Variants in AGBL4 observed in about 807,000 individuals in gnomAD.
AGBL4 encodes AGBL carboxypeptidase 4.
AGBL4 carries 58 observed loss-of-function variants against 66.4 expected under a neutral mutation model. The ratio of observed to expected loss-of-function variants is 0.87; its 90% CI spans 0.71 to 1.09. AGBL4 has a LOEUF of 1.09. Ranked by LOEUF, AGBL4 falls within the 50% of genes least tolerant of loss-of-function variation. The probability of loss-of-function intolerance (pLI) is 0.00; values close to 1 mark genes in which losing one functional copy is unlikely to be tolerated. For missense variants in AGBL4, 579 were observed against 631.0 expected, an observed-to-expected ratio of 0.92 and a Z score of 0.88; for synonymous variants, 234 against 222.9, an observed-to-expected ratio of 1.05 and a Z score of -0.44.
intron 6 of AGBL4, among the ~76,000 whole-genome samples, chr1:48,850,379 T>G (rs1647007351): frequency 6.6e-6 from 1 of 152,160 alleles, no homozygotes; most frequent in Admixed American, 6.6e-5. Flanking sequence ...GTTAGTAAAT[T>G]GGTGGGTAAG....
intron 1 of AGBL4, among the ~76,000 whole-genome samples, chr1:50,005,120 A>C (rs1661033936): frequency 6.6e-6 from 1 of 152,134 alleles, no homozygotes; most frequent in Non-Finnish European, 1.5e-5. Flanking sequence ...TGCTGATTGT[A>C]GAGCCTTAGG....
intron 4 of AGBL4, among the ~76,000 whole-genome samples, chr1:49,139,220 C>CCATATTTG (rs1162373007): frequency 6.6e-6 from 1 of 152,080 alleles, no homozygotes; most frequent in Non-Finnish European, 1.5e-5. Context: ...TCAGGCATAG[C>CCATATTTG]CATATTTGTT....
Position 48,642,615 on chromosome 1 carries a change from G to T in AGBL4, c.840-8011C>A, listed in dbSNP as rs557704507. On this transcript the variant is annotated intron_variant, in intron 8 of 13. Coordinates refer to ENST00000371839, the MANE Select transcript of AGBL4 (RefSeq NM_032785.4). ...AGAGAGGGTCTGCCAAGGTTACATG[G>T]CTATTCAAGGGTAGAGTGGAAAGTC... Among the ~76,000 whole-genome samples the T allele has an allele frequency of 2.0e-5, 3 of 152,232 alleles. No individual in the cohort carries two copies. In the East Asian group the frequency reaches 5.8e-4, roughly 29 times the overall value.
intron 1 of AGBL4, among the ~76,000 whole-genome samples, chr1:50,014,540 T>C (rs889586709): frequency 6.3e-5 from 9 of 142,302 alleles, no homozygotes; most frequent in South Asian, 2.3e-4. Context: ...GGATTTCTTT[T>C]TTTTTTTTTT....
chr1:49,795,282 C>A (rs1571583171), intron 2 of AGBL4, among the ~76,000 whole-genome samples: 1 of 151,908 alleles, frequency 6.6e-6, no homozygotes, highest in Non-Finnish European at 1.5e-5. Context: ...TAACAAATGG[C>A]AAGACATACT....
At chr1:49,129,107 T>G (rs1278085348) in intron 4 of AGBL4, among the ~76,000 whole-genome samples, 1 of 152,050 alleles carries the variant, frequency 6.6e-6, no homozygotes, top group African/African-American at 2.4e-5. Context: ...GAAAAATGCT[T>G]ACTATCATCA....
At chr1:49,633,414 C>G (rs1645609045) in intron 3 of AGBL4, among the ~76,000 whole-genome samples, 1 of 152,116 alleles carries the variant, frequency 6.6e-6, no homozygotes, top group East Asian at 1.9e-4. Flanking sequence ...ACTAGAATAA[C>G]AACAGCAAAA....
chr1:49,114,248 T>A (rs551929299), intron 4 of AGBL4, among the ~76,000 whole-genome samples: 1 of 152,344 alleles, frequency 6.6e-6, no homozygotes, highest in South Asian at 2.1e-4. Context: ...CTGCTTCACC[T>A]TGCACTTTTT....
At chr1:49,875,007 G>A (rs1646947590) in intron 1 of AGBL4, among the ~76,000 whole-genome samples, 1 of 122,512 alleles carries the variant, frequency 8.2e-6, no homozygotes. Context: ...CCCAGAGTGT[G>A]ATGTTCCCCT....
At chr1:49,858,548 C>T (rs572276134) in intron 1 of AGBL4, among the ~76,000 whole-genome samples, 1 of 151,518 alleles carries the variant, frequency 6.6e-6, no homozygotes, top group South Asian at 2.1e-4. Context: ...TTGAAGGGAC[C>T]ACGCAAACAA....
chr1:49,467,577 T>A (rs1238461082), intron 3 of AGBL4, among the ~76,000 whole-genome samples: 6 of 151,852 alleles, frequency 4.0e-5, no homozygotes, highest in African/African-American at 1.4e-4. Context: ...GACTACTGTG[T>A]GATCTATGGC....
chr1:49,624,587 G>T (rs1295243819), intron 3 of AGBL4, among the ~76,000 whole-genome samples: 2 of 152,114 alleles, frequency 1.3e-5, no homozygotes, highest in East Asian at 3.9e-4. Context: ...GACTCAATTG[G>T]AAGGTGTGCC....
At chr1:48,640,715 TGTGA>T (rs1194317282) in intron 8 of AGBL4, among the ~76,000 whole-genome samples, 4 of 152,212 alleles carry the variant, frequency 2.6e-5, no homozygotes, top group Admixed American at 2.6e-4. Context: ...CCCAGCCATC[TGTGA>T]GTGTGTGTGA....
At chr1:49,332,870 AC>A in intron 3 of AGBL4, among the ~76,000 whole-genome samples, 1 of 152,314 alleles carries the variant, frequency 6.6e-6, no homozygotes, top group Middle Eastern at 3.4e-3. Flanking sequence ...GAACTAATTT[AC>A]ACTCCCACCA....
At chr1:48,672,354 C>T (rs1361251861) in intron 6 of AGBL4, among the ~76,000 whole-genome samples, 1 of 152,134 alleles carries the variant, frequency 6.6e-6, no homozygotes, top group Non-Finnish European at 1.5e-5. Flanking sequence ...CTTCATTGGC[C>T]CTGCAAGAGA....
chr1:49,256,805 A>G (rs1652544941), intron 3 of AGBL4, among the ~76,000 whole-genome samples: 1 of 152,216 alleles, frequency 6.6e-6, no homozygotes, highest in Admixed American at 6.5e-5. Flanking sequence ...AGACCGATGG[A>G]TCACAACAAA....
At chr1:48,945,425 C>T (rs1656414908) in intron 5 of AGBL4, among the ~76,000 whole-genome samples, 1 of 152,176 alleles carries the variant, frequency 6.6e-6, no homozygotes, top group African/African-American at 2.4e-5. Flanking sequence ...TTTTAATGCA[C>T]ATCCCATTTC....
chr1:48,680,873 G>A (rs1646444095), intron 6 of AGBL4, among the ~76,000 whole-genome samples: 1 of 152,132 alleles, frequency 6.6e-6, no homozygotes, highest in African/African-American at 2.4e-5. Context: ...TCCAGGAGTT[G>A]GCCACTGCTC....
chr1:49,779,693 G>T (rs1259050605), intron 2 of AGBL4, among the ~76,000 whole-genome samples: 1 of 152,120 alleles, frequency 6.6e-6, no homozygotes, highest in Non-Finnish European at 1.5e-5. Context: ...TAAATTAGCT[G>T]TGCATCAAGT....
Sources: gnomAD v4.1 joint callset for allele counts (sites outside exome capture counted in the v4.1 genomes callset) on GRCh38, gnomAD v4.1.1 for gene constraint, MANE v1.5 for transcripts, NCBI Gene and HGNC (gene_info 2026-07-23, HGNC 2026-07-21) for gene names.